PDE4B: variants seen among roughly 807,000 people sequenced by gnomAD.
PDE4B encodes 3',5'-cyclic-AMP phosphodiesterase 4B.
In PDE4B, 20 loss-of-function variants were observed where a neutral mutation model predicts 82.2. The ratio of observed to expected loss-of-function variants is 0.24; its 90% CI spans 0.17 to 0.35. The LOEUF is 0.35. Among genes scored for constraint, PDE4B ranks in the 10% least tolerant of loss-of-function variants. The pLI, the probability that PDE4B is intolerant of heterozygous loss-of-function variation, is 1.00. For missense variants in PDE4B, 655 were observed against 907.2 expected, an observed-to-expected ratio of 0.72 and a Z score of 3.57; for synonymous variants, 320 against 318.9, an observed-to-expected ratio of 1.00 and a Z score of -0.04.
chr1:65,924,292 T>C (rs1247749234), intron 3 of PDE4B, among the ~76,000 whole-genome samples: 3 of 150,138 alleles, frequency 2.0e-5, no homozygotes, highest in Non-Finnish European at 4.4e-5. Flanking sequence ...GCCGGGATGG[T>C]CTCGATCTCC....
chr1:66,060,280 G>A (rs1484634821), intron 3 of PDE4B, among the ~76,000 whole-genome samples: 2 of 152,154 alleles, frequency 1.3e-5, no homozygotes, highest in Non-Finnish European at 2.9e-5. Context: ...TCGGTATTGT[G>A]CAAAAAGTAG....
At chr1:66,229,801 A>G (rs1006551951) in intron 3 of PDE4B, among the ~76,000 whole-genome samples, 23 of 152,180 alleles carry the variant, frequency 1.5e-4, no homozygotes, top group Admixed American at 4.6e-4. Flanking sequence ...ATATTATTTA[A>G]TCTAATCCTC....
chr1:66,023,398 G>A (rs1382421113), intron 3 of PDE4B, among the ~76,000 whole-genome samples: 1 of 152,148 alleles, frequency 6.6e-6, no homozygotes, highest in Non-Finnish European at 1.5e-5. Context: ...GTCTCCAGGG[G>A]AAAGAGCATT....
intron 8 of PDE4B, among the ~76,000 whole-genome samples, chr1:66,347,224 G>C (rs1424860177): frequency 6.6e-6 from 1 of 152,114 alleles, no homozygotes; most frequent in African/African-American, 2.4e-5. Context: ...GTTGTTCAAA[G>C]CATCTCTCCA....
At chr1:66,275,795 G>A (rs1012341103) in intron 7 of PDE4B, among the ~76,000 whole-genome samples, 1 of 152,100 alleles carries the variant, frequency 6.6e-6, no homozygotes, top group Non-Finnish European at 1.5e-5. Flanking sequence ...AACAAAGCAG[G>A]GACTGTCCCC....
At chr1:66,150,162 A>G (rs1252168965) in intron 3 of PDE4B, among the ~76,000 whole-genome samples, 3 of 152,172 alleles carry the variant, frequency 2.0e-5, no homozygotes, top group African/African-American at 7.2e-5. Flanking sequence ...AGACTTTGAA[A>G]TCAGGAATAG....
chr1:66,168,907 G>C (rs894627979), intron 3 of PDE4B, among the ~76,000 whole-genome samples: 1 of 152,182 alleles, frequency 6.6e-6, no homozygotes, highest in Non-Finnish European at 1.5e-5. Context: ...CTGAGACATT[G>C]TGAGGTCAAG....
intron 1 of PDE4B, among the ~76,000 whole-genome samples, chr1:65,813,732 G>T (rs1419867440): frequency 6.6e-6 from 1 of 152,080 alleles, no homozygotes; most frequent in East Asian, 1.9e-4. Context: ...AGTAAAAGAG[G>T]AAAATGAATC....
chr1:66,202,963 C>T (rs1279517572), intron 3 of PDE4B, among the ~76,000 whole-genome samples: 6 of 152,004 alleles, frequency 3.9e-5, no homozygotes, highest in South Asian at 2.1e-4. Flanking sequence ...TATAATTTGG[C>T]ATGTTTTTGC....
chr1:66,344,614 CA>C (rs1661251586), intron 8 of PDE4B, among the ~76,000 whole-genome samples: 1 of 151,978 alleles, frequency 6.6e-6, no homozygotes. Flanking sequence ...AGAACTTTGT[CA>C]AAAATAAACA....
intron 3 of PDE4B, among the ~76,000 whole-genome samples, chr1:65,943,371 A>T (rs1024529074): frequency 6.6e-6 from 1 of 151,894 alleles, no homozygotes; most frequent in East Asian, 1.9e-4. Flanking sequence ...ATCTGTTTTT[A>T]TGACAGCACC....
intron 3 of PDE4B, among the ~76,000 whole-genome samples, chr1:66,171,097 G>C (rs191092678): frequency 2.6e-5 from 4 of 152,238 alleles, no homozygotes; most frequent in South Asian, 4.1e-4. Flanking sequence ...AAGAGTTAGA[G>C]TTACTTACTC....
chr1:66,346,302 C>T (rs1169999206), intron 8 of PDE4B, among the ~76,000 whole-genome samples: 1 of 152,126 alleles, frequency 6.6e-6, no homozygotes, highest in Non-Finnish European at 1.5e-5. Flanking sequence ...GTGCAGTTAT[C>T]CTCATGTCAG....
chr1:66,188,209 A>G (rs1197579547), intron 3 of PDE4B, among the ~76,000 whole-genome samples: 7 of 151,976 alleles, frequency 4.6e-5, no homozygotes, highest in Non-Finnish European at 7.4e-5. Context: ...ACAGTTTGTT[A>G]TAATTTCTGT....
In PDE4B at chr1:66,265,771, G is replaced by A. The variant is rs150207619; in HGVS notation, c.585-267G>A. Among the ~76,000 whole-genome samples the A allele has an allele frequency of 4.4e-4, 67 of 152,334 alleles. No homozygotes were observed. The South Asian group carries it at 9.3e-3, about 21-fold the overall frequency. Reference sequence around the variant, plus strand: ...CAGCAAAACTTAAAACAGGGGGCTGGTTTGGGACCTGGAGTAAACAACTTC... The same window carrying A: ...CAGCAAAACTTAAAACAGGGGGCTGATTTGGGACCTGGAGTAAACAACTTC... On this transcript the variant is annotated intron_variant, in intron 6 of 16. Coordinates refer to ENST00000341517, the MANE Select transcript of PDE4B (RefSeq NM_002600.4).
At chr1:65,819,272 C>G (rs1645922717) in intron 1 of PDE4B, among the ~76,000 whole-genome samples, 1 of 151,922 alleles carries the variant, frequency 6.6e-6, no homozygotes, top group Non-Finnish European at 1.5e-5. Flanking sequence ...ATAGATAACC[C>G]AACTGTTTTG....
chr1:65,821,047 C>T (rs1645946286), intron 1 of PDE4B, among the ~76,000 whole-genome samples: 1 of 152,200 alleles, frequency 6.6e-6, no homozygotes, highest in Non-Finnish European at 1.5e-5. Context: ...ATTTTACCAA[C>T]CCTGGCCATA....
chr1:66,021,939 C>T (rs1357011634), intron 3 of PDE4B, among the ~76,000 whole-genome samples: 1 of 152,132 alleles, frequency 6.6e-6, no homozygotes, highest in African/African-American at 2.4e-5. Context: ...ACTTCCTATC[C>T]ATGAGCATGG....
At chr1:66,271,502 G>A (rs1285717406) in intron 7 of PDE4B, among the ~76,000 whole-genome samples, 1 of 152,152 alleles carries the variant, frequency 6.6e-6, no homozygotes, top group Non-Finnish European at 1.5e-5. Context: ...TCGCTGCCAG[G>A]GACCTAGATA....
Sources: gnomAD v4.1 joint callset for allele counts (sites outside exome capture counted in the v4.1 genomes callset) on GRCh38, gnomAD v4.1.1 for gene constraint, MANE v1.5 for transcripts, NCBI Gene and HGNC (gene_info 2026-07-23, HGNC 2026-07-21) for gene names.